The following HPSE2 variants were observed in gnomAD, a reference collection of about 807,000 sequenced individuals.
HPSE2 encodes heparanase 2 (inactive), also known as inactive heparanase-2.
A neutral mutation model predicts 60.5 loss-of-function variants in HPSE2; 38 were observed. That is an observed-to-expected ratio of 0.63 (90% CI 0.48 to 0.82). The LOEUF is 0.82. HPSE2 is among the 40% of genes least tolerant of loss of function. The probability of loss-of-function intolerance (pLI) is 0.00; values close to 1 mark genes in which losing one functional copy is unlikely to be tolerated. For synonymous variants in HPSE2, 295 were observed against 293.2 expected (o/e 1.01, Z -0.06); for missense variants, 713 against 740.4 (o/e 0.96, Z 0.43).
intron 3 of HPSE2, among the ~76,000 whole-genome samples, chr10:99,132,132 G>GGAAAGAAAGAAAGGAA: frequency 9.0e-6 from 1 of 111,628 alleles, no homozygotes; most frequent in South Asian, 3.5e-4. Flanking sequence ...AAGAAAGAAA[G>GGAAAGAAAGAAAGGAA]GAAAGAAAGA....
intron 9 of HPSE2, among the ~76,000 whole-genome samples, chr10:98,505,843 G>A (rs1942182341): frequency 6.6e-6 from 1 of 152,096 alleles, no homozygotes; most frequent in African/African-American, 2.4e-5. Flanking sequence ...ACATATTCAT[G>A]AGTCTGTTTC....
the HPSE2 span, among the ~76,000 whole-genome samples, chr10:99,246,653 AG>A: frequency 6.6e-6 from 1 of 152,090 alleles, no homozygotes; most frequent in South Asian, 2.1e-4. Flanking sequence ...AGGCTGAGGC[AG>A]GGGGATTGCT....
intron 3 of HPSE2, among the ~76,000 whole-genome samples, chr10:98,836,216 A>T (rs1951786717): frequency 6.6e-6 from 1 of 152,222 alleles, no homozygotes; most frequent in Non-Finnish European, 1.5e-5. Flanking sequence ...GTGTTGTCTC[A>T]TTCGTGAATT....
chr10:98,759,159 G>T (rs1949948819), intron 3 of HPSE2, among the ~76,000 whole-genome samples: 1 of 144,390 alleles, frequency 6.9e-6, no homozygotes, highest in Admixed American at 7.1e-5. Context: ...ACAAAGAAGG[G>T]AAAAATAGAT....
At chr10:99,099,621 G>T (rs555314337) in intron 3 of HPSE2, among the ~76,000 whole-genome samples, 5 of 152,348 alleles carry the variant, frequency 3.3e-5, no homozygotes, top group African/African-American at 9.6e-5. Context: ...AAATGTCCCT[G>T]TCTGACAGCT....
intron 3 of HPSE2, among the ~76,000 whole-genome samples, chr10:98,772,531 G>A (rs1950262904): frequency 6.6e-6 from 1 of 152,064 alleles, no homozygotes; most frequent in African/African-American, 2.4e-5. Context: ...TGTAAACTAA[G>A]GAAAAGGAGA....
Position 99,132,212 on chromosome 10 carries a change from AGAGAGAGAGAGAG to A in HPSE2, c.610+12013_610+12025del, listed in dbSNP as rs1564833055. Among the ~76,000 whole-genome samples the A allele has an allele frequency of 7.8e-4, 20 of 25,604 alleles. 1 individual carries two copies. The highest frequency in any genetic ancestry group is 1.2e-3 in the African/African-American group (20 of 16,062). The allele number at this position is 25,604 out of a possible 152,430, so 16.8% of individuals were successfully genotyped here. ...AAGAAAGAGAGAGAGAGAGAGAGAG[AGAGAGAGAGAGAG>A]AGAGAGAGAGAGAGAGAGAAAGAAA... On this transcript the variant is annotated intron_variant, in intron 3 of 11. Transcript: ENST00000370552.
intron 2 of HPSE2, among the ~76,000 whole-genome samples, chr10:99,229,533 A>G (rs1849580024): frequency 6.6e-6 from 1 of 152,218 alleles, no homozygotes. Context: ...AAAATAACTT[A>G]CAAACATTAC....
At chr10:98,875,073 G>A (rs988258318) in intron 3 of HPSE2, among the ~76,000 whole-genome samples, 1 of 151,762 alleles carries the variant, frequency 6.6e-6, no homozygotes, top group Non-Finnish European at 1.5e-5. Context: ...ACATTAGAAA[G>A]CTAGAAAGAT....
chr10:98,574,318 A>ATT (rs2133905129), intron 9 of HPSE2, among the ~76,000 whole-genome samples: 1 of 152,330 alleles, frequency 6.6e-6, no homozygotes, highest in South Asian at 2.1e-4. Flanking sequence ...AATCTGGAAG[A>ATT]ATATACATCA....
In HPSE2 at chr10:98,972,436, T is replaced by C. The variant is rs532124138; in HGVS notation, c.610+171802A>G. On this transcript the variant is annotated intron_variant, in intron 3 of 11. Transcript: ENST00000370552. ...ATTGGCTGTGCTTTATTGGTTGAAA[T>C]TTTGTTGAGAAGACATTTCTCGAGC... Among the ~76,000 whole-genome samples, 3 of 152,292 alleles carry C rather than the reference T, an allele frequency of 2.0e-5. 1 individual carries two copies. In the South Asian group the frequency reaches 6.2e-4, roughly 32 times the overall value.
chr10:98,548,145 A>C (rs1943750035), intron 9 of HPSE2, among the ~76,000 whole-genome samples: 1 of 152,234 alleles, frequency 6.6e-6, no homozygotes, highest in Non-Finnish European at 1.5e-5. Context: ...ATTCCATAAA[A>C]GAACAAAGCA....
At chr10:99,285,272 A>C in the HPSE2 span, among the ~76,000 whole-genome samples, 2 of 150,720 alleles carry the variant, frequency 1.3e-5, no homozygotes, top group African/African-American at 4.9e-5. Context: ...CTACAAAAAA[A>C]GGAAAAAAAA....
chr10:99,211,813 G>T (rs1848961248), intron 2 of HPSE2, among the ~76,000 whole-genome samples: 1 of 151,860 alleles, frequency 6.6e-6, no homozygotes, highest in Admixed American at 6.6e-5. Flanking sequence ...ATAATTTTTT[G>T]GATATGAACA....
chr10:98,963,108 G>A (rs564696790), intron 3 of HPSE2, among the ~76,000 whole-genome samples: 90 of 152,154 alleles, frequency 5.9e-4, no homozygotes, highest in Non-Finnish European at 9.0e-4. Context: ...TTTCTCTATA[G>A]CATGAGATTC....
intron 3 of HPSE2, among the ~76,000 whole-genome samples, chr10:99,019,410 C>T (rs1222808179): frequency 6.6e-6 from 1 of 152,176 alleles, no homozygotes; most frequent in African/African-American, 2.4e-5. Flanking sequence ...TTCCCTACAA[C>T]CCTTTATGGA....
intron 5 of HPSE2, among the ~76,000 whole-genome samples, chr10:98,715,723 A>C (rs1232935397): frequency 1.3e-5 from 2 of 152,078 alleles, no homozygotes; most frequent in African/African-American, 2.4e-5. Flanking sequence ...CTTAATTCAA[A>C]ATACTTTATT....
At chr10:98,502,482 T>A (rs1197806651) in intron 9 of HPSE2, among the ~76,000 whole-genome samples, 1 of 152,182 alleles carries the variant, frequency 6.6e-6, no homozygotes. Context: ...GGTGCTAGGA[T>A]AACTGGCTAG....
At chr10:98,551,696 C>A (rs1943868940) in intron 9 of HPSE2, among the ~76,000 whole-genome samples, 1 of 152,150 alleles carries the variant, frequency 6.6e-6, no homozygotes, top group South Asian at 2.1e-4. Flanking sequence ...GGTTGCCTAG[C>A]TTTTTAAAAT....
Sources: gnomAD v4.1 joint callset for allele counts (sites outside exome capture counted in the v4.1 genomes callset) on GRCh38, gnomAD v4.1.1 for gene constraint, MANE v1.5 for transcripts, NCBI Gene and HGNC (gene_info 2026-07-23, HGNC 2026-07-21) for gene names.